The following USP12 variants were observed in gnomAD, a reference collection of about 807,000 sequenced individuals.
USP12 encodes ubiquitin specific peptidase 12, also known as ubiquitin carboxyl-terminal hydrolase 12.
In USP12, 19 loss-of-function variants were observed where a neutral mutation model predicts 45.5. The ratio of observed to expected loss-of-function variants is 0.42; its 90% confidence interval spans 0.29 to 0.61. The LOEUF is 0.61. Ranked by LOEUF, USP12 falls within the 20% of genes least tolerant of loss-of-function variation. The pLI is 0.22. For missense variants in USP12, 242 were observed against 447.7 expected (o/e 0.54, Z 4.15); for synonymous variants, 149 against 148.8 (o/e 1.00, Z -0.01).
rs143724773 is a variant in USP12 at position 27,151,256 on chromosome 13, G to A, written c.48+20336C>T. Among the ~76,000 whole-genome samples the A allele has an allele frequency of 1.6e-4, 24 of 152,132 alleles. No individual in the cohort carries two copies. In the East Asian group the frequency reaches 2.3e-3, roughly 15 times the overall value. The stretch of plus-strand genomic sequence containing the variant: ...TGAGGCACAAGAATCATTTGAACAC[G>A]GGAGGTGGAGGTTGCCGTGAGCCAA... On this transcript the variant is annotated intron_variant, in intron 1 of 8. Transcript: ENST00000282344.
chr13:27,084,581 A>AGG (rs149624642), intron 6 of USP12, among the ~76,000 whole-genome samples: 7,983 of 151,918 alleles, frequency 0.053, 234 homozygotes, highest in Admixed American at 0.082. Context: ...ACATAAGGTA[A>AGG]GGGTTCAACT....
intron 1 of USP12, among the ~76,000 whole-genome samples, chr13:27,131,356 C>T (rs1398456569): frequency 1.3e-5 from 2 of 152,284 alleles, no homozygotes; most frequent in East Asian, 3.9e-4. Context: ...CTCACCATAT[C>T]ATACAGGAAA....
At position 27,137,972 on chromosome 13, in the gene USP12, C is replaced by CTAGA. The variant is rs769679875; in HGVS notation, c.49-21380_49-21377dup. Among the ~76,000 whole-genome samples the CTAGA allele has an allele frequency of 7.2e-5, 11 of 152,356 alleles. No individual in the cohort carries two copies. In the East Asian group the frequency reaches 1.9e-3, roughly 27 times the overall value. On this transcript the variant is annotated intron_variant, in intron 1 of 8. Transcript: ENST00000282344. ...CTGCCAACTAGGAACCAGAAAAAGC[C>CTAGA]TAGAGCCTTCACTTAGTCTTAACAG...
chr13:27,130,422 T>C (rs1435709789), intron 1 of USP12, among the ~76,000 whole-genome samples: 1 of 152,026 alleles, frequency 6.6e-6, no homozygotes, highest in African/African-American at 2.4e-5. Flanking sequence ...TTTAGAAAAG[T>C]CATTATACAA....
chr13:27,093,585 C>T (rs966045066), intron 4 of USP12, among the ~76,000 whole-genome samples: 3 of 152,180 alleles, frequency 2.0e-5, no homozygotes, highest in Admixed American at 1.3e-4. Context: ...AAGGAAAAAT[C>T]GTACAGCCAC....
At chr13:27,091,370 AG>A (rs1258570536) in intron 4 of USP12, among the ~76,000 whole-genome samples, 2 of 152,200 alleles carry the variant, frequency 1.3e-5, no homozygotes, top group Non-Finnish European at 1.5e-5. Context: ...ACACTGCCTC[AG>A]GGGTCTTCAT....
In USP12 at chr13:27,116,516, A is replaced by G. The variant is rs780871484; in HGVS notation, c.129T>C (p.Asn43=). 3.1e-6 allele frequency: 5 copies of G among 1,613,508 alleles called. No homozygotes were observed. The highest frequency in any genetic ancestry group is 2.2e-5 in the East Asian group (1 of 44,870). Residue 43 remains asparagine, a splice_region_variant and synonymous_variant, in exon 2 of 9, where the codon AAT becomes AAC. Coordinates refer to ENST00000282344, the MANE Select transcript of USP12 (RefSeq NM_182488.4). ...PVNEHYFGLV[N]FGNTCYCNSV... ...TAAAAGCGTATCAATGGATACTTAC[A>G]TTGACTAATCCAAAATAGTGCTCAT... is the stretch of plus-strand genomic sequence containing the variant.
Position 27,171,685 on chromosome 13 carries a change from G to A in USP12, c.-46C>T. On this transcript the variant is annotated 5_prime_UTR_variant, in exon 1 of 9. Coordinates refer to ENST00000282344, the MANE Select transcript of USP12 (RefSeq NM_182488.4). ...CCCAATCACAGCGGCGGCGGCGGGC[G>A]GGGGAGGAGGGGAGCCGGGCCGCCC... The A allele has an allele frequency of 1.7e-6, 2 of 1,181,552 alleles. No homozygotes were observed. The highest frequency in any genetic ancestry group is 2.2e-6 in the Non-Finnish European group (2 of 922,086). The allele number at this position is 1,181,552 out of a possible 1,614,324, so 73.2% of individuals were successfully genotyped here.
rs577654148 is a variant in USP12, at chr13:27,126,832, C to G, written c.49-10236G>C. 5.2e-4 allele frequency among the ~76,000 whole-genome samples: 79 copies of G among 152,296 alleles called. 1 individual carries two copies. In the Middle Eastern group the frequency reaches 0.017, roughly 33 times the overall value. On this transcript the variant is annotated intron_variant, in intron 1 of 8. Transcript: ENST00000282344. Reference sequence around the variant, plus strand: ...TTACTAATCTGCAAAAAAGGGCAAACAAGACTTGCAACATGGCTTGTTTCT... The same window carrying G: ...TTACTAATCTGCAAAAAAGGGCAAAGAAGACTTGCAACATGGCTTGTTTCT...
chr13:27,139,363 G>A (rs1307249043), intron 1 of USP12, among the ~76,000 whole-genome samples: 10 of 152,188 alleles, frequency 6.6e-5, no homozygotes, highest in African/African-American at 2.4e-4. Flanking sequence ...CGCCTGTAAT[G>A]CCAGCACTTT....
intron 6 of USP12, among the ~76,000 whole-genome samples, chr13:27,076,509 T>C (rs186523920): frequency 2.9e-4 from 44 of 152,340 alleles, no homozygotes; most frequent in Admixed American, 5.2e-4. Context: ...TTTATATATG[T>C]CAAGCTTATT....
intron 1 of USP12, chr13:27,162,742 G>T (rs1295228880): frequency 6.6e-6 from 1 of 152,166 alleles, no homozygotes; most frequent in African/African-American, 2.4e-5. Context: ...TTAATACAAT[G>T]AAAGTAAGTT....
chr13:27,132,285 G>T (rs1428351970), intron 1 of USP12, among the ~76,000 whole-genome samples: 1 of 152,174 alleles, frequency 6.6e-6, no homozygotes, highest in East Asian at 1.9e-4. Context: ...TGTGTGCAAA[G>T]GAGATTGGCT....
intron 6 of USP12, among the ~76,000 whole-genome samples, chr13:27,087,951 C>G (rs181567309): frequency 1.3e-3 from 202 of 152,316 alleles, no homozygotes; most frequent in Non-Finnish European, 2.4e-3. Flanking sequence ...GAAATATTTA[C>G]AATCTCAAAA....
At chr13:27,123,644 A>G (rs1876098849) in intron 1 of USP12, among the ~76,000 whole-genome samples, 2 of 152,334 alleles carry the variant, frequency 1.3e-5, no homozygotes, top group South Asian at 4.1e-4. Flanking sequence ...AAGTCTCATG[A>G]GATCTGATGA....
At chr13:27,116,490 C>T in intron 2 of USP12, 26 bp downstream of exon 2, 1 of 1,606,318 alleles carries the variant, frequency 6.2e-7, no homozygotes, top group South Asian at 1.1e-5. Context: ...GAACATGATT[C>T]TAAAAGCGTA....
chr13:27,142,977 C>T (rs1000539448), intron 1 of USP12, among the ~76,000 whole-genome samples: 1 of 152,006 alleles, frequency 6.6e-6, no homozygotes, highest in Non-Finnish European at 1.5e-5. Flanking sequence ...CCTGTAGTCC[C>T]AGCTACTTGG....
intron 6 of USP12, among the ~76,000 whole-genome samples, chr13:27,084,557 A>G (rs1453811124): frequency 2.0e-5 from 3 of 151,336 alleles, no homozygotes; most frequent in Admixed American, 6.6e-5. Flanking sequence ...TTTTGAGCTA[A>G]TTTTTTGTAG....
At chr13:27,085,460 C>T (rs1052611897) in intron 6 of USP12, among the ~76,000 whole-genome samples, 12 of 152,074 alleles carry the variant, frequency 7.9e-5, no homozygotes. Context: ...GGATTACAGG[C>T]GTGAGCCACC....
Sources: gnomAD v4.1 joint callset for allele counts (sites outside exome capture counted in the v4.1 genomes callset) on GRCh38, gnomAD v4.1.1 for gene constraint, MANE v1.5 for transcripts, NCBI Gene and HGNC (gene_info 2026-07-23, HGNC 2026-07-21) for gene names.